CSTF2: variants seen among roughly 807,000 people sequenced by gnomAD.
CSTF2 encodes the protein cleavage stimulation factor subunit 2.
Under a neutral mutation model 45.4 loss-of-function variants are expected in CSTF2, and 8 were observed. The observed-to-expected ratio is 0.18, with a 90% CI of 0.10 to 0.32. The LOEUF is 0.32. Ranked by LOEUF, CSTF2 falls within the 10% of genes least tolerant of loss-of-function variation. The pLI is 1.00. For synonymous variants in CSTF2, 155 were observed against 158.9 expected, an observed-to-expected ratio of 0.98 and a Z score of 0.18; for missense variants, 253 against 477.1, an observed-to-expected ratio of 0.53 and a Z score of 4.38.
rs954330490 is a variant in CSTF2 at position 100,828,058 on chromosome X, T to C, written c.845T>C (p.Val282Ala). ...LAPGGGMQAQ[V>A]GMPGSGPVSM... ...CTTCTAGGAGGAATGCAGGCTCAGG[T>C]TGGAATGCCAGGAAGTGGACCAGTG... is the stretch of plus-strand genomic sequence containing the variant. The change falls in exon 8 of 14, where the codon GTT becomes GCT. Residue 282 changes from valine (V) to alanine (A), a missense_variant. Physicochemically the swap from Val to Ala is moderately conservative, Grantham distance 64. Around this residue, in one of 3 missense-constraint regions of CSTF2, gnomAD observed 200 missense variants for 294.0 expected, o/e 0.68. Coordinates refer to ENST00000372972, the MANE Select transcript of CSTF2 (RefSeq NM_001325.3). The C allele has an allele frequency of 1.7e-6, 2 of 1,207,773 alleles. No individual in the cohort carries two copies. The highest frequency in any genetic ancestry group is 3.5e-5 in the African/African-American group (2 of 57,670).
intron 6 of CSTF2, among the ~76,000 whole-genome samples, chrX:100,825,623 A>G (rs1168413074): frequency 9.0e-6 from 1 of 111,695 alleles, no homozygotes; most frequent in African/African-American, 3.3e-5. Flanking sequence ...TGCAAGTCAC[A>G]GGATCTGCCA....
At position 100,838,372 on chromosome X, in the gene CSTF2, A is replaced by G. The variant is rs369509310; in HGVS notation, c.*3+8A>G. ...ACTGGAGCACCTTGATAGGTGAGCA[A>G]ACTTAATCCCCATCTGAGTAGGACT... is the stretch of plus-strand genomic sequence containing the variant. On this transcript the variant is annotated splice_region_variant and intron_variant, in intron 13 of 13. Coordinates refer to ENST00000372972, the MANE Select transcript of CSTF2 (RefSeq NM_001325.3). 5 of 1,192,534 alleles carry G rather than the reference A, an allele frequency of 4.2e-6. No homozygotes were observed. In the South Asian group the frequency reaches 5.7e-5, roughly 14 times the overall value.
At position 100,827,534 on chromosome X, in the gene CSTF2, C is replaced by T. The variant is rs192071350; in HGVS notation, c.827-506C>T. On this transcript the variant is annotated intron_variant, in intron 7 of 13. Transcript: ENST00000372972. ...CTAGGGTAGGTTGAGTACAACACTA[C>T]TCATGGAGAATGATTTAATTCTAAA... is the stretch of plus-strand genomic sequence containing the variant. Among the ~76,000 whole-genome samples, 572 of 111,834 alleles carry T rather than the reference C, an allele frequency of 5.1e-3. 7 individuals carry two copies. The highest frequency in any genetic ancestry group is 0.017 in the African/African-American group (535 of 30,834).
chrX:100,825,953 T>G (rs867911052), intron 6 of CSTF2, among the ~76,000 whole-genome samples: 16 of 111,982 alleles, frequency 1.4e-4, no homozygotes, highest in Middle Eastern at 4.6e-3. Flanking sequence ...TCCTTTTCTT[T>G]TGTAGAGTTT....
intron 6 of CSTF2, 72 bp from the exon 7 acceptor site, chrX:100,826,562 T>C: frequency 9.3e-7 from 1 of 1,076,969 alleles, no homozygotes; most frequent in South Asian, 2.0e-5. Context: ...AAGAGGACTT[T>C]TAAGGTCGTA....
chrX:100,825,221 C>T (rs1000688096), intron 6 of CSTF2, among the ~76,000 whole-genome samples: 1 of 111,546 alleles, frequency 9.0e-6, no homozygotes, highest in African/African-American at 3.3e-5. Flanking sequence ...TGGGGAAGAC[C>T]GTACAGGCCA....
intron 11 of CSTF2, among the ~76,000 whole-genome samples, chrX:100,834,974 T>C (rs1400762439): frequency 8.9e-6 from 1 of 111,808 alleles, no homozygotes; most frequent in Non-Finnish European, 1.9e-5. Context: ...TTTTTATTAG[T>C]AGATTCGATA....
chrX:100,833,240 G>C lies in CSTF2; in HGVS notation c.1268G>C (p.Arg423Thr). 8.3e-7 allele frequency: 1 copy of C among 1,211,224 alleles called. No homozygotes were observed. The highest frequency in any genetic ancestry group is 1.1e-6 in the Non-Finnish European group (1 of 895,145). ...ATGGAGGCCCGAGCCATGGAGGCAAGAGGGTTAGATGCCAGAGGATTAGAG... is the reference window on the plus strand; with the variant it reads ...ATGGAGGCCCGAGCCATGGAGGCAACAGGGTTAGATGCCAGAGGATTAGAG... ...RGMEARAMEA[R>T]GLDARGLEAR... The change falls in exon 11 of 14, where the codon AGA becomes ACA. Residue 423 changes from arginine (R) to threonine (T), a missense_variant. Around this residue, in one of 3 missense-constraint regions of CSTF2, gnomAD observed 200 missense variants for 294.0 expected, o/e 0.68. Coordinates refer to ENST00000372972, the MANE Select transcript of CSTF2 (RefSeq NM_001325.3).
rs371542438 is a variant in CSTF2, at chrX:100,833,252, C to T, written c.1280C>T (p.Ala427Val). Residue 427 changes from alanine (A) to valine (V), a missense_variant, in exon 11 of 14, where the codon GCC becomes GTC. Around this residue, in one of 3 missense-constraint regions of CSTF2, gnomAD observed 200 missense variants for 294.0 expected, o/e 0.68. Transcript: ENST00000372972. Reference protein sequence around the residue: ...ARAMEARGLDARGLEARAMEA... With the variant: ...ARAMEARGLDVRGLEARAMEA... The stretch of plus-strand genomic sequence containing the variant: ...GCCATGGAGGCAAGAGGGTTAGATG[C>T]CAGAGGATTAGAGGCCCGTGCAATG... The T allele has an allele frequency of 1.7e-5, 21 of 1,208,299 alleles. No individual in the cohort carries two copies. Among genetic ancestry groups the T allele is most frequent in the Non-Finnish European group, 2.2e-5 (20 of 894,418 alleles).
intron 1 of CSTF2, among the ~76,000 whole-genome samples, 199 bp from the exon 2 acceptor site, chrX:100,821,324 GAACT>G (rs1385681891): frequency 3.6e-5 from 4 of 112,364 alleles, no homozygotes; most frequent in African/African-American, 1.3e-4. Flanking sequence ...ATCAGTCTGA[GAACT>G]AACATTTGAG....
At chrX:100,820,623 CAA>C (rs2084912962) in intron 1 of CSTF2, 149 bp downstream of exon 1, 1 of 591,425 alleles carries the variant, frequency 1.7e-6, no homozygotes, top group Non-Finnish European at 2.9e-6. Flanking sequence ...GACTCATGAG[CAA>C]AGAGATATTC....
chrX:100,824,301 T>A, intron 6 of CSTF2, 44 bp downstream of exon 6: 1 of 1,108,341 alleles, frequency 9.0e-7, no homozygotes, highest in South Asian at 2.3e-5. Flanking sequence ...TGTCTTAGAA[T>A]GTCATTTTCT....
At chrX:100,820,555 G>A in intron 1 of CSTF2, 81 bp downstream of exon 1, 10 of 1,040,545 alleles carry the variant, frequency 9.6e-6, no homozygotes, top group Non-Finnish European at 1.3e-5. Context: ...TACCGGAGCC[G>A]CTGACGGTTC....
chrX:100,830,146 C>G (rs188727316), intron 8 of CSTF2, among the ~76,000 whole-genome samples: 85 of 112,016 alleles, frequency 7.6e-4, no homozygotes, highest in African/African-American at 2.8e-3. Flanking sequence ...TGTTTAGTGT[C>G]GGTTCCCATG....
intron 13 of CSTF2, among the ~76,000 whole-genome samples, chrX:100,838,941 A>G (rs951836554): frequency 2.7e-5 from 3 of 110,647 alleles, no homozygotes; most frequent in African/African-American, 9.9e-5. Context: ...TTTCTTGCTC[A>G]TCATTTAGGC....
intron 6 of CSTF2, among the ~76,000 whole-genome samples, chrX:100,825,587 G>C (rs754781109): frequency 9.0e-6 from 1 of 111,612 alleles, no homozygotes; most frequent in East Asian, 2.8e-4. Flanking sequence ...TTCTGTAAAT[G>C]ATCAGACAGT....
intron 7 of CSTF2, among the ~76,000 whole-genome samples, chrX:100,827,457 A>C (rs780139709): frequency 1.8e-5 from 2 of 112,006 alleles, no homozygotes; most frequent in East Asian, 5.6e-4. Context: ...TGTATTACCA[A>C]TATTTAAAGT....
chrX:100,832,992 A>C, intron 10 of CSTF2, 83 bp downstream of exon 10: 1 of 1,043,163 alleles, frequency 9.6e-7, no homozygotes, highest in Non-Finnish European at 1.3e-6. Context: ...CTGGAACAGT[A>C]GGTTTGCAAG....
chrX:100,831,763 G>A, intron 9 of CSTF2, 107 bp downstream of exon 9: 1 of 864,978 alleles, frequency 1.2e-6, no homozygotes, highest in Non-Finnish European at 1.7e-6. Flanking sequence ...TACTTCAAAA[G>A]GTAGATCAAT....
Sources: allele counts gnomAD v4.1 joint callset (sites outside exome capture counted in the v4.1 genomes callset), GRCh38; gene constraint gnomAD v4.1.1; regional missense constraint gnomAD v4.1.1; transcripts MANE v1.5; gene names NCBI Gene and HGNC (gene_info 2026-07-23, HGNC 2026-07-21).